HECTD4: variants seen among roughly 807,000 people sequenced by gnomAD.
HECTD4 encodes HECT domain E3 ubiquitin protein ligase 4, also known as probable E3 ubiquitin-protein ligase HECTD4.
Under a neutral mutation model 471.5 loss-of-function variants are expected in HECTD4, and 114 were observed. The ratio of observed to expected loss-of-function variants is 0.24; its 90% CI spans 0.21 to 0.28. The LOEUF is 0.28. HECTD4 is among the 10% of genes least tolerant of loss of function. HECTD4 has a pLI of 1.00. For synonymous variants in HECTD4, 2,012 were observed against 2,256.0 expected, an observed-to-expected ratio of 0.89 and a Z score of 3.07; for missense variants, 3,866 against 5,651.5, an observed-to-expected ratio of 0.68 and a Z score of 10.13.
At chr12:112,257,834 T>G (rs1259069964) in intron 20 of HECTD4, among the ~76,000 whole-genome samples, 1 of 152,206 alleles carries the variant, frequency 6.6e-6, no homozygotes, top group Non-Finnish European at 1.5e-5. Flanking sequence ...TGCTTTCTTT[T>G]CTTGTGTGAA....
intron 1 of HECTD4, among the ~76,000 whole-genome samples, chr12:112,353,552 G>A (rs922613707): frequency 2.6e-5 from 4 of 152,110 alleles, no homozygotes; most frequent in African/African-American, 7.2e-5. Context: ...AACTACAGGC[G>A]GGGTGTGGTG....
At position 112,216,289 on chromosome 12, in the gene HECTD4, C is replaced by T. The variant is rs757142814; in HGVS notation, c.7465+3G>A. ...AGGGTGGAAAAGCTCCCACTGCACTCACCGGGGGAGAGAGTCACGTCTAAG... is the reference window on the plus strand; with the variant it reads ...AGGGTGGAAAAGCTCCCACTGCACTTACCGGGGGAGAGAGTCACGTCTAAG... On this transcript the variant is annotated splice_donor_region_variant and intron_variant, in intron 48 of 75. Transcript: ENST00000682272. 1.3e-6 allele frequency: 2 copies of T among 1,545,150 alleles called. No homozygotes were observed. The highest frequency in any genetic ancestry group is 1.2e-5 in the South Asian group (1 of 83,968).
intron 2 of HECTD4, among the ~76,000 whole-genome samples, chr12:112,315,082 T>C (rs1224002214): frequency 6.6e-6 from 1 of 152,240 alleles, no homozygotes; most frequent in Non-Finnish European, 1.5e-5. Context: ...GTTGTAATAC[T>C]TGCAACAGGG....
At chr12:112,260,012 A>G (rs1356113691) in intron 18 of HECTD4, among the ~76,000 whole-genome samples, 2 of 151,940 alleles carry the variant, frequency 1.3e-5, no homozygotes, top group African/African-American at 4.8e-5. Context: ...TTAAGTGTAC[A>G]TTTCAGTGTT....
chr12:112,200,854 T>C (rs1287649913), intron 54 of HECTD4, 56 bp from the exon 55 acceptor site: 39 of 1,512,296 alleles, frequency 2.6e-5, no homozygotes, highest in Non-Finnish European at 3.5e-5. Context: ...TTTCCATGTG[T>C]GCGTGCGTGC....
rs1463247706 is a variant in HECTD4 at position 112,160,896 on chromosome 12, C to G, written c.*1491G>C. The G allele has an allele frequency of 6.6e-6, 1 of 152,164 alleles. No homozygotes were observed. The highest frequency in any genetic ancestry group is 2.4e-5 in the African/African-American group (1 of 41,434). 9.4% of individuals were successfully genotyped at this position (152,164 alleles called of 1,614,324 possible). ...TGACTTGCATCCAATACAACTGATGCAGCTGTCATGATTAACCCTAGGTCG... is the reference window on the plus strand; with the variant it reads ...TGACTTGCATCCAATACAACTGATGGAGCTGTCATGATTAACCCTAGGTCG... On this transcript the variant is annotated 3_prime_UTR_variant, in exon 76 of 76. Coordinates refer to ENST00000682272, the MANE Select transcript of HECTD4 (RefSeq NM_001388303.1).
At chr12:112,317,594 T>C (rs1012728993) in intron 2 of HECTD4, among the ~76,000 whole-genome samples, 20 of 152,198 alleles carry the variant, frequency 1.3e-4, no homozygotes, top group African/African-American at 4.8e-4. Context: ...ATTAGTCTAC[T>C]GGAAAACAAA....
chr12:112,226,502 G>GT, intron 44 of HECTD4, 141 bp downstream of exon 44: 1 of 486,466 alleles, frequency 2.1e-6, no homozygotes, highest in Non-Finnish European at 3.7e-6. Flanking sequence ...TGTGATGCAC[G>GT]TGAGTTGTGA....
At chr12:112,328,009 CCAATT>C (rs1412469704) in intron 1 of HECTD4, among the ~76,000 whole-genome samples, 2 of 152,204 alleles carry the variant, frequency 1.3e-5, no homozygotes, top group Non-Finnish European at 2.9e-5. Context: ...GGGACATTAA[CCAATT>C]CAATTCATTA....
intron 14 of HECTD4, among the ~76,000 whole-genome samples, chr12:112,266,296 AGGCTCTAATGTGTGAAGATAACT>A (rs750943902): frequency 2.0e-5 from 3 of 152,210 alleles, no homozygotes; most frequent in Non-Finnish European, 4.4e-5. Flanking sequence ...TTAAAATGTT[AGGCTCTAATGTGTGAAGATAACT>A]GGCTTAGAAA....
At position 112,172,681 on chromosome 12, in the gene HECTD4, G is replaced by A; in HGVS notation, c.11775C>T (p.Ala3925=). The A allele has an allele frequency of 1.9e-6, 3 of 1,613,920 alleles. 1 individual carries two copies. The highest frequency in any genetic ancestry group is 3.3e-4 in the Middle Eastern group (2 of 6,014). ...DPADAADPRV[A]CLLNVPIESL... ...CCCAGGGCCACATACTCAGGAGACA[G>A]GCCACTCTGGGGTCAGCAGCATCCG... Residue 3925 remains alanine (A), a synonymous_variant, in exon 67 of 76, where the codon GCC becomes GCT. Coordinates refer to ENST00000682272, the MANE Select transcript of HECTD4 (RefSeq NM_001388303.1).
intron 4 of HECTD4, among the ~76,000 whole-genome samples, 198 bp downstream of exon 4, chr12:112,312,819 C>G (rs748478340): frequency 3.9e-5 from 6 of 152,104 alleles, no homozygotes; most frequent in Non-Finnish European, 7.4e-5. Context: ...ATAATAAAAC[C>G]TATCCATTTT....
Position 112,243,844 on chromosome 12 carries a change from G to T in HECTD4, c.4649+30C>A, listed in dbSNP as rs780384199. On this transcript the variant is annotated intron_variant, in intron 30 of 75. Coordinates refer to ENST00000682272, the MANE Select transcript of HECTD4 (RefSeq NM_001388303.1). This position sits in a 1 kb window ranked among gnomAD's most constrained non-coding sequence, Gnocchi z 6.6. ...TGATGAATGCATTCAGCTGCATGTG[G>T]GAACCCAACCCCGGCCATTAGCCAT... The T allele has an allele frequency of 6.2e-7, 1 of 1,612,024 alleles. No homozygotes were observed. The highest frequency in any genetic ancestry group is 1.1e-5 in the South Asian group (1 of 91,038).
At chr12:112,167,595 G>T in intron 71 of HECTD4, 57 bp from the exon 72 acceptor site, 1 of 1,369,704 alleles carries the variant, frequency 7.3e-7, no homozygotes, top group Non-Finnish European at 1.0e-6. Flanking sequence ...GCCCGCCAGG[G>T]AACATGTGTT....
rs751565200 is a variant in HECTD4 at position 112,184,272 on chromosome 12, G to A, written c.10694C>T (p.Ser3565Leu). Residue 3565 changes from serine to leucine, a missense_variant, in exon 61 of 76, where the codon TCG (serine) becomes TTG (leucine). By Grantham distance (145) the Ser-to-Leu change is moderately radical. Around this residue, in one of 16 missense-constraint regions of HECTD4, gnomAD observed 192 missense variants for 189.9 expected, o/e 1.01. Coordinates refer to ENST00000682272, the MANE Select transcript of HECTD4 (RefSeq NM_001388303.1). This position sits in a 1 kb window ranked among gnomAD's most constrained non-coding sequence, Gnocchi z 9.1. ...PLDNAETASV[S>L]DMGSMYTVTS... is the part of the protein sequence containing the mutation. ...GACTGTGTACATGGAGCCCATGTCC[G>A]ACACCGAGGCCGTCTCTGCATTGTC... The A allele has an allele frequency of 2.5e-6, 4 of 1,613,374 alleles. No individual in the cohort carries two copies. Among genetic ancestry groups the A allele is most frequent in the African/African-American group, 1.3e-5 (1 of 74,924 alleles).
At chr12:112,307,214 C>T (rs1043316792) in intron 6 of HECTD4, among the ~76,000 whole-genome samples, 1 of 152,128 alleles carries the variant, frequency 6.6e-6, no homozygotes, top group African/African-American at 2.4e-5. Context: ...GATCTCTGAC[C>T]CCTCAATTGA....
chr12:112,311,733 T>A (rs1486886718), intron 4 of HECTD4, among the ~76,000 whole-genome samples: 1 of 152,006 alleles, frequency 6.6e-6, no homozygotes, highest in Admixed American at 6.6e-5. Context: ...ACAGATCAGC[T>A]TAATGCCATC....
intron 1 of HECTD4, among the ~76,000 whole-genome samples, chr12:112,332,654 G>A (rs1277397812): frequency 1.3e-5 from 2 of 151,294 alleles, no homozygotes; most frequent in African/African-American, 2.4e-5. Flanking sequence ...TGACTTTACG[G>A]ACTCCTTTTA....
intron 13 of HECTD4, among the ~76,000 whole-genome samples, chr12:112,268,504 C>G (rs1355713410): frequency 6.6e-6 from 1 of 152,138 alleles, no homozygotes; most frequent in Non-Finnish European, 1.5e-5. Context: ...ACCTGTAATC[C>G]CAGTACTTTG....
Sources: gnomAD v4.1 joint callset for allele counts (sites outside exome capture counted in the v4.1 genomes callset) on GRCh38, gnomAD v4.1.1 for gene constraint, gnomAD v4.1.1 regional missense constraint, Gnocchi (gnomAD v3.1) non-coding constraint, MANE v1.5 for transcripts, NCBI Gene and HGNC (gene_info 2026-07-23, HGNC 2026-07-21) for gene names.